The following NRG1 variants were observed in gnomAD, a reference collection of about 807,000 sequenced individuals.
NRG1 encodes the protein neuregulin 1, also known as pro-neuregulin-1, membrane-bound isoform.
In NRG1, 18 loss-of-function variants were observed where a neutral mutation model predicts 63.8. The ratio of observed to expected loss-of-function variants is 0.28; its 90% CI spans 0.19 to 0.42. The LOEUF is 0.42. Among genes scored for constraint, NRG1 ranks in the 10% least tolerant of loss-of-function variants. The pLI is 1.00. For synonymous variants in NRG1, 302 were observed against 301.3 expected, an observed-to-expected ratio of 1.00 and a Z score of -0.02; for missense variants, 762 against 814.7, an observed-to-expected ratio of 0.94 and a Z score of 0.79.
In NRG1 at chr8:31,789,509, TGGA is replaced by T. The variant is rs370172749; in HGVS notation, c.37+150082_37+150084del. ...AACTGCCCAGGAGAGCTGTCACACGTGGAGGATACTAGAGGCTGCCATGACAAT... is the reference window on the plus strand; with the variant it reads ...AACTGCCCAGGAGAGCTGTCACACGTGGATACTAGAGGCTGCCATGACAAT... On this transcript the variant is annotated intron_variant, in intron 1 of 10. Coordinates refer to the NRG1 transcript ENST00000519301. Among the ~76,000 whole-genome samples the T allele has an allele frequency of 9.5e-3, 1,452 of 152,248 alleles. 21 individuals carry two copies. Among genetic ancestry groups the T allele is most frequent in the African/African-American group, 0.033 (1,380 of 41,546 alleles).
intron 7 of NRG1, 74 bp from the exon 8 acceptor site, chr8:32,754,298 C>A: frequency 1.6e-6 from 2 of 1,226,594 alleles, no homozygotes; most frequent in Non-Finnish European, 2.4e-6. Context: ...ATGCAGCATG[C>A]CCACTGTTTG....
At chr8:32,232,501 T>C (rs144724602) in intron 1 of NRG1, among the ~76,000 whole-genome samples, 1 of 152,256 alleles carries the variant, frequency 6.6e-6, no homozygotes, top group East Asian at 1.9e-4. Context: ...GTAGAATTCA[T>C]CCCAGCATAG....
intron 1 of NRG1, among the ~76,000 whole-genome samples, chr8:32,519,788 A>AT (rs1310578635): frequency 1.3e-5 from 2 of 152,096 alleles, no homozygotes; most frequent in Non-Finnish European, 2.9e-5. Context: ...AACACGTTTG[A>AT]TTTTTTGTGT....
At chr8:32,340,829 T>C (rs535628755) in intron 1 of NRG1, among the ~76,000 whole-genome samples, 2 of 152,284 alleles carry the variant, frequency 1.3e-5, no homozygotes, top group African/African-American at 4.8e-5. Flanking sequence ...ATGGGCCAAA[T>C]CTTACATGCT....
At chr8:32,431,591 G>GA (rs1198609816) in intron 1 of NRG1, among the ~76,000 whole-genome samples, 4 of 152,092 alleles carry the variant, frequency 2.6e-5, no homozygotes, top group African/African-American at 4.8e-5. Context: ...GAGTTCATCA[G>GA]AAATACCTGT....
chr8:32,513,500 G>C (rs117146719), intron 1 of NRG1, among the ~76,000 whole-genome samples: 1,821 of 151,918 alleles, frequency 0.012, 17 homozygotes, highest in Middle Eastern at 0.034. Flanking sequence ...ATCCATTATA[G>C]ATATGCCTCC....
intron 1 of NRG1, among the ~76,000 whole-genome samples, chr8:32,478,427 T>C (rs1353984600): frequency 6.6e-6 from 1 of 152,268 alleles, no homozygotes; most frequent in African/African-American, 2.4e-5. Context: ...ACCATAAAAA[T>C]GACTGTGTAG....
intron 1 of NRG1, among the ~76,000 whole-genome samples, chr8:32,525,572 T>A (rs2129511339): frequency 6.6e-6 from 1 of 152,214 alleles, no homozygotes; most frequent in Admixed American, 6.5e-5. Context: ...TCAGCCTGCA[T>A]CCCCAAGCTC....
At chr8:32,260,203 G>C (rs991222423) in intron 1 of NRG1, among the ~76,000 whole-genome samples, 6 of 152,184 alleles carry the variant, frequency 3.9e-5, no homozygotes, top group East Asian at 1.9e-4. Flanking sequence ...TAGTAGGAAA[G>C]ATGCATCAAG....
intron 1 of NRG1, among the ~76,000 whole-genome samples, chr8:32,549,910 C>T (rs1184420667): frequency 1.3e-5 from 2 of 152,176 alleles, no homozygotes; most frequent in Admixed American, 6.5e-5. Context: ...TAAGTCGCTT[C>T]GAGCGTACCC....
chr8:32,230,783 G>GAAATTT (rs1846842695), intron 1 of NRG1, among the ~76,000 whole-genome samples: 7 of 151,376 alleles, frequency 4.6e-5, no homozygotes, highest in African/African-American at 1.7e-4. Context: ...TGGGGTACAT[G>GAAATTT]TGAAATTTTG....
At chr8:31,969,015 G>A (rs543427381) in intron 1 of NRG1, among the ~76,000 whole-genome samples, 7 of 152,248 alleles carry the variant, frequency 4.6e-5, no homozygotes, top group South Asian at 2.1e-4. Flanking sequence ...TCTCCGCTTC[G>A]TTTTCAACCA....
At chr8:32,683,293 A>G (rs1381652500) in intron 5 of NRG1, among the ~76,000 whole-genome samples, 1 of 152,240 alleles carries the variant, frequency 6.6e-6, no homozygotes, top group Non-Finnish European at 1.5e-5. Flanking sequence ...AAAGCAAGGA[A>G]ACACGGGCTA....
intron 1 of NRG1, among the ~76,000 whole-genome samples, chr8:31,818,106 C>CT (rs1158573195): frequency 4.1e-4 from 62 of 151,820 alleles, no homozygotes; most frequent in African/African-American, 1.3e-3. Flanking sequence ...TATCAAGCCT[C>CT]TAAAAAAAAA....
At chr8:32,396,400 A>G (rs12675577) in intron 1 of NRG1, among the ~76,000 whole-genome samples, 20,534 of 152,220 alleles carry the variant, frequency 0.13, 1,456 homozygotes, top group South Asian at 0.19. Flanking sequence ...TGTTTTTCAC[A>G]TAGAGATCTT....
intron 1 of NRG1, among the ~76,000 whole-genome samples, chr8:32,096,386 A>G (rs898277902): frequency 7.9e-5 from 12 of 152,238 alleles, no homozygotes; most frequent in Admixed American, 6.5e-5. Flanking sequence ...TCACACACTT[A>G]ACATATCTGT....
At chr8:32,203,895 G>C (rs1165506870) in intron 1 of NRG1, among the ~76,000 whole-genome samples, 1 of 152,144 alleles carries the variant, frequency 6.6e-6, no homozygotes, top group Non-Finnish European at 1.5e-5. Context: ...GGATAGTTCT[G>C]TGGAAGTACC....
chr8:32,329,195 G>T (rs547487413), intron 1 of NRG1, among the ~76,000 whole-genome samples: 2 of 151,932 alleles, frequency 1.3e-5, no homozygotes, highest in East Asian at 1.9e-4. Context: ...TCTTGACTTC[G>T]TGGGCTCAAG....
At chr8:31,770,768 AACAT>A (rs1563381361) in intron 1 of NRG1, among the ~76,000 whole-genome samples, 1 of 54,064 alleles carries the variant, frequency 1.8e-5, no homozygotes, top group Admixed American at 3.2e-4. Context: ...AAGTATAATA[AACAT>A]ATATATATAT....
Sources: gnomAD v4.1 joint callset for allele counts (sites outside exome capture counted in the v4.1 genomes callset) on GRCh38, gnomAD v4.1.1 for gene constraint, MANE v1.5 for transcripts, NCBI Gene and HGNC (gene_info 2026-07-23, HGNC 2026-07-21) for gene names.